The following BIRC6 variants were observed in gnomAD, a reference collection of about 807,000 sequenced individuals.
BIRC6 encodes the protein baculoviral IAP repeat containing 6.
Under a neutral mutation model 503.3 loss-of-function variants are expected in BIRC6, and 98 were observed. The observed-to-expected ratio is 0.19, with a 90% CI of 0.17 to 0.23. The LOEUF (loss-of-function observed/expected upper bound fraction) is 0.23, where lower values mean the gene tolerates loss of function less well. Ranked by LOEUF, BIRC6 falls within the 10% of genes least tolerant of loss-of-function variation. The pLI, the probability that BIRC6 is intolerant of heterozygous loss-of-function variation, is 1.00. For missense variants in BIRC6, 5,360 were observed against 5,806.0 expected, an observed-to-expected ratio of 0.92 and a Z score of 2.50; for synonymous variants, 2,240 against 2,078.7, an observed-to-expected ratio of 1.08 and a Z score of -2.11.
At chr2:32,401,661 A>ACAT (rs755234690) in intron 8 of BIRC6, 38 bp downstream of exon 8, 20 of 1,538,872 alleles carry the variant, frequency 1.3e-5, no homozygotes, top group Non-Finnish European at 1.8e-5. Flanking sequence ...AATAGATGTT[A>ACAT]CATGTTTTCC....
intron 61 of BIRC6, among the ~76,000 whole-genome samples, chr2:32,536,626 C>T (rs1296047944): frequency 1.3e-5 from 2 of 152,022 alleles, no homozygotes; most frequent in Non-Finnish European, 2.9e-5. Flanking sequence ...AGATATGTGG[C>T]ATTATTTCTG....
intron 68 of BIRC6, among the ~76,000 whole-genome samples, chr2:32,596,461 T>TC (rs1376933282): frequency 2.1e-5 from 2 of 93,918 alleles, no homozygotes; most frequent in African/African-American, 7.6e-5. Flanking sequence ...AGAGCAAGTC[T>TC]CCATCTCAAA....
intron 70 of BIRC6, among the ~76,000 whole-genome samples, chr2:32,601,852 T>G (rs1311067044): frequency 6.6e-6 from 1 of 152,118 alleles, no homozygotes; most frequent in African/African-American, 2.4e-5. Context: ...GAATACTCTT[T>G]TAGGGGGTCT....
At position 32,365,405 on chromosome 2, in the gene BIRC6, C is replaced by T. The variant is rs540686383; in HGVS notation, c.325+7919C>T. ...CGCGATCTCAGCTCACTGCAACCTC[C>T]GCCTCTCAGGTTCAAGCGATTCTCC... On this transcript the variant is annotated intron_variant, in intron 1 of 73. Coordinates refer to ENST00000421745, the MANE Select transcript of BIRC6 (RefSeq NM_016252.4). 1.2e-3 allele frequency among the ~76,000 whole-genome samples: 181 copies of T among 151,654 alleles called. 1 individual carries two copies. The highest frequency in any genetic ancestry group is 6.8e-3 in the Middle Eastern group (2 of 294).
At chr2:32,529,916 A>T in intron 60 of BIRC6, 92 bp downstream of exon 60, 1 of 833,112 alleles carries the variant, frequency 1.2e-6, no homozygotes, top group Non-Finnish European at 1.7e-6. Context: ...TTGTGTTTTT[A>T]TTATATCAAC....
At chr2:32,581,234 G>A (rs2060653760) in intron 66 of BIRC6, among the ~76,000 whole-genome samples, 1 of 152,114 alleles carries the variant, frequency 6.6e-6, no homozygotes, top group South Asian at 2.1e-4. Flanking sequence ...CTGTCACCCA[G>A]CTAAAGTTGT....
In BIRC6 at chr2:32,544,074, T is replaced by TA. The variant is rs1412022526; in HGVS notation, c.12592+537dup. ...AATGGAAAGAGCAGTGTTTTGAGGT[T>TA]AAAATGTATGAGAGGGGATAAGTTA... On this transcript the variant is annotated intron_variant, in intron 62 of 73. Coordinates refer to ENST00000421745, the MANE Select transcript of BIRC6 (RefSeq NM_016252.4). Among the ~76,000 whole-genome samples the TA allele has an allele frequency of 2.6e-5, 4 of 152,166 alleles. No homozygotes were observed. In the East Asian group the frequency reaches 7.7e-4, roughly 29 times the overall value.
At chr2:32,571,686 C>T (rs752575913) in intron 65 of BIRC6, among the ~76,000 whole-genome samples, 2 of 151,812 alleles carry the variant, frequency 1.3e-5, no homozygotes, top group East Asian at 1.9e-4. Context: ...TTTATCTTTT[C>T]GAAAACCAGC....
rs533890208 is a variant in BIRC6, at chr2:32,515,230, C to G, written c.10809C>G (p.Leu3603=). The change falls in exon 55 of 74, where the codon CTC becomes CTG. Residue 3603 remains leucine, a synonymous_variant. Transcript: ENST00000421745. ...ACTCTAAAAATGCACAAGCACCTCT[C>G]GCATTAACTGAATCACATTTGGCTA... The part of the protein sequence containing the change: ...TDDSKNAQAP[L]ALTESHLATL... 2 of 1,613,856 alleles carry G rather than the reference C, an allele frequency of 1.2e-6. No homozygotes were observed. Among genetic ancestry groups the G allele is most frequent in the South Asian group, 2.2e-5 (2 of 91,074 alleles).
intron 57 of BIRC6, among the ~76,000 whole-genome samples, chr2:32,519,807 C>A (rs764264218): frequency 6.6e-6 from 1 of 152,166 alleles, no homozygotes; most frequent in Non-Finnish European, 1.5e-5. Context: ...TGTGAGCTAC[C>A]GCGCCTGGCC....
At chr2:32,384,263 C>A in intron 3 of BIRC6, among the ~76,000 whole-genome samples, 1 of 152,206 alleles carries the variant, frequency 6.6e-6, no homozygotes, top group Non-Finnish European at 1.5e-5. Context: ...AACTCCATAA[C>A]CTTTCAGCAT....
intron 3 of BIRC6, among the ~76,000 whole-genome samples, chr2:32,381,540 C>CTT (rs71407447): frequency 1.4e-4 from 17 of 125,344 alleles, no homozygotes; most frequent in African/African-American, 3.2e-4. Context: ...GCACCTGGCT[C>CTT]TTTTTTTTTT....
intron 65 of BIRC6, chr2:32,565,484 C>T (rs895540046): frequency 3.3e-5 from 5 of 152,082 alleles, no homozygotes; most frequent in South Asian, 2.1e-4. Flanking sequence ...CTGCCTCTGT[C>T]CTACCAATAA....
intron 50 of BIRC6, among the ~76,000 whole-genome samples, chr2:32,506,202 A>G (rs1363993315): frequency 6.6e-6 from 1 of 152,188 alleles, no homozygotes; most frequent in African/African-American, 2.4e-5. Flanking sequence ...TAATTTTGCC[A>G]GAATTGTTTA....
intron 71 of BIRC6, among the ~76,000 whole-genome samples, chr2:32,604,332 G>C (rs1399748852): frequency 6.6e-6 from 1 of 152,092 alleles, no homozygotes; most frequent in Non-Finnish European, 1.5e-5. Flanking sequence ...CATGCCAAGG[G>C]TTTACTGTTT....
At chr2:32,547,580 C>T (rs2058139645) in intron 63 of BIRC6, among the ~76,000 whole-genome samples, 1 of 152,090 alleles carries the variant, frequency 6.6e-6, no homozygotes, top group African/African-American at 2.4e-5. Flanking sequence ...TTTGTTGATC[C>T]ATTCATCGGT....
In BIRC6 at chr2:32,401,533, C is replaced by T. The variant is rs1157435345; in HGVS notation, c.1328C>T (p.Pro443Leu). ...CAACAGCTTATTCTATCAGGAGACCCAAGCTCAGGAGTTGATTCAAGGAGA... is the reference window on the plus strand; with the variant it reads ...CAACAGCTTATTCTATCAGGAGACCTAAGCTCAGGAGTTGATTCAAGGAGA... ...IVQQLILSGD[P>L]SSGVDSRRPT... Residue 443 changes from proline to leucine, a missense_variant, in exon 8 of 74, where the codon CCA (proline) becomes CTA (leucine). Physicochemically the swap from Pro to Leu is moderately conservative, Grantham distance 98 (BLOSUM62 -3). Coordinates refer to ENST00000421745, the MANE Select transcript of BIRC6 (RefSeq NM_016252.4). The T allele has an allele frequency of 1.9e-6, 3 of 1,613,956 alleles. No individual in the cohort carries two copies. Among genetic ancestry groups the T allele is most frequent in the Non-Finnish European group, 2.5e-6 (3 of 1,179,870 alleles).
At chr2:32,604,459 C>T (rs1465060794) in intron 71 of BIRC6, among the ~76,000 whole-genome samples, 3 of 152,252 alleles carry the variant, frequency 2.0e-5, no homozygotes, top group Non-Finnish European at 4.4e-5. Flanking sequence ...TATTAAATAG[C>T]TAAGTTCACT....
chr2:32,476,409 G>A, intron 34 of BIRC6, 65 bp downstream of exon 34: 3 of 1,471,078 alleles, frequency 2.0e-6, no homozygotes, highest in Non-Finnish European at 2.7e-6. Flanking sequence ...CTTTAATTAC[G>A]ATCGAGAAAC....
Sources: gnomAD v4.1 joint callset for allele counts (sites outside exome capture counted in the v4.1 genomes callset) on GRCh38, gnomAD v4.1.1 for gene constraint, MANE v1.5 for transcripts, NCBI Gene and HGNC (gene_info 2026-07-23, HGNC 2026-07-21) for gene names.